EEFSEC: variants seen among roughly 807,000 people sequenced by gnomAD.
EEFSEC encodes eukaryotic elongation factor, selenocysteine-tRNA specific.
EEFSEC carries 43 observed loss-of-function variants against 42.1 expected under a neutral mutation model. That is an observed-to-expected ratio of 1.02 (90% confidence interval 0.80 to 1.32). The LOEUF is 1.32. Among genes scored for constraint, EEFSEC ranks in the 40% most tolerant of loss-of-function variants. EEFSEC has a pLI of 0.00. For missense variants in EEFSEC, 745 were observed against 803.6 expected, an observed-to-expected ratio of 0.93 and a Z score of 0.88; for synonymous variants, 354 against 339.1, an observed-to-expected ratio of 1.04 and a Z score of -0.48.
At chr3:128,281,306 T>A (rs2066523364) in intron 4 of EEFSEC, among the ~76,000 whole-genome samples, 1 of 152,250 alleles carries the variant, frequency 6.6e-6, no homozygotes, top group South Asian at 2.1e-4. Flanking sequence ...CCCAGCTTTC[T>A]GCATGCAGCT....
intron 6 of EEFSEC, among the ~76,000 whole-genome samples, chr3:128,398,623 A>C (rs1576703629): frequency 6.6e-6 from 1 of 151,912 alleles, no homozygotes; most frequent in South Asian, 2.1e-4. Context: ...TGGGGCAGGG[A>C]CCTGCCCCTG....
rs546641036 is a variant in EEFSEC, at chr3:128,343,612, A to T, written c.1443+1723A>T. Among the ~76,000 whole-genome samples, 6 of 152,336 alleles carry T rather than the reference A, an allele frequency of 3.9e-5. No homozygotes were observed. In the East Asian group the frequency reaches 9.7e-4, roughly 25 times the overall value. ...ATAATTATTCTATAGTAAAATATCT[A>T]TGAGAGAGTAATATCCCAATTGGTG... is the stretch of plus-strand genomic sequence containing the variant. On this transcript the variant is annotated intron_variant, in intron 5 of 6. Coordinates refer to ENST00000254730, the MANE Select transcript of EEFSEC (RefSeq NM_021937.5).
chr3:128,283,634 C>T (rs760694324), intron 4 of EEFSEC, among the ~76,000 whole-genome samples: 1 of 152,208 alleles, frequency 6.6e-6, no homozygotes, highest in Non-Finnish European at 1.5e-5. Flanking sequence ...GACACTCAAG[C>T]ACTGTCTCCC....
downstream of EEFSEC, among the ~76,000 whole-genome samples, chr3:128,412,728 G>A (rs770254266): frequency 1.2e-4 from 19 of 152,324 alleles, no homozygotes; most frequent in South Asian, 2.1e-4. Flanking sequence ...CTGATAACGG[G>A]GTTGAGCCAT....
chr3:128,362,946 A>G (rs773686166), intron 6 of EEFSEC, among the ~76,000 whole-genome samples: 4 of 152,236 alleles, frequency 2.6e-5, no homozygotes, highest in Non-Finnish European at 5.9e-5. Flanking sequence ...TTTGATTATT[A>G]CTAATCACAA....
chr3:128,390,773 G>A (rs559526744), intron 6 of EEFSEC, among the ~76,000 whole-genome samples: 1 of 152,104 alleles, frequency 6.6e-6, no homozygotes, highest in East Asian at 1.9e-4. Context: ...TGCACCACTC[G>A]GGCACCCACA....
chr3:128,343,101 C>T (rs1420629604), intron 5 of EEFSEC, among the ~76,000 whole-genome samples: 1 of 152,202 alleles, frequency 6.6e-6, no homozygotes, highest in Admixed American at 6.5e-5. Context: ...TCAACAAGGG[C>T]CTCAGTTCCT....
In EEFSEC at chr3:128,246,720, C is replaced by T. The variant is rs1011002572; in HGVS notation, c.317-116C>T. ...CCTGTAGCCAGAAGCTGTGTAGTCA[C>T]CATTTATTCCACTTTGCTCACTTTT... On this transcript the variant is annotated intron_variant, in intron 1 of 6. Coordinates refer to ENST00000254730, the MANE Select transcript of EEFSEC (RefSeq NM_021937.5). 4 of 1,080,324 alleles carry T rather than the reference C, an allele frequency of 3.7e-6. No individual in the cohort carries two copies. In the African/African-American group the frequency reaches 4.7e-5, roughly 13 times the overall value. The allele number at this position is 1,080,324 out of a possible 1,614,324, so 66.9% of individuals were successfully genotyped here.
intron 6 of EEFSEC, among the ~76,000 whole-genome samples, chr3:128,402,281 C>T (rs2068057068): frequency 6.6e-6 from 1 of 152,254 alleles, no homozygotes; most frequent in African/African-American, 2.4e-5. Flanking sequence ...CAGAATTCTT[C>T]CAAAAATTTT....
At chr3:128,272,580 G>C (rs1269269582) in intron 4 of EEFSEC, among the ~76,000 whole-genome samples, 1 of 152,190 alleles carries the variant, frequency 6.6e-6, no homozygotes, top group Admixed American at 6.5e-5. Context: ...TATTGTGAGA[G>C]CTCTGTCTCC....
At chr3:128,170,151 C>G (rs1028131648) in intron 1 of EEFSEC, among the ~76,000 whole-genome samples, 11 of 152,288 alleles carry the variant, frequency 7.2e-5, no homozygotes, top group African/African-American at 2.4e-4. Flanking sequence ...CCGCCTCCCC[C>G]GCCTGGCCCG....
At chr3:128,384,197 C>T (rs1365343970) in intron 6 of EEFSEC, among the ~76,000 whole-genome samples, 1 of 152,166 alleles carries the variant, frequency 6.6e-6, no homozygotes, top group Non-Finnish European at 1.5e-5. Context: ...AGAGGTGTTC[C>T]AGGCAGAAGC....
chr3:128,272,686 A>G (rs2066427159), intron 4 of EEFSEC, among the ~76,000 whole-genome samples: 1 of 152,186 alleles, frequency 6.6e-6, no homozygotes, highest in South Asian at 2.1e-4. Flanking sequence ...TGTTAGGAAC[A>G]CAATTAAGGA....
chr3:128,164,087 C>A (rs930264112), intron 1 of EEFSEC, among the ~76,000 whole-genome samples: 1 of 152,192 alleles, frequency 6.6e-6, no homozygotes, highest in African/African-American at 2.4e-5. Context: ...GTGCCTGGCC[C>A]ATGGAGACAT....
chr3:128,169,961 G>A (rs947067312), intron 1 of EEFSEC, among the ~76,000 whole-genome samples: 3 of 152,204 alleles, frequency 2.0e-5, no homozygotes, highest in Admixed American at 2.0e-4. Flanking sequence ...TGGCGGTGGG[G>A]CAGGCGGCAT....
At chr3:128,279,146 CGGCGGCGTTGGGCAGT>C (rs1189743889) in intron 4 of EEFSEC, among the ~76,000 whole-genome samples, 1 of 152,128 alleles carries the variant, frequency 6.6e-6, no homozygotes, top group Admixed American at 6.5e-5. Context: ...AACCATACGG[CGGCGGCGTTGGGCAGT>C]GGCGGCCATC....
At chr3:128,278,891 C>T (rs1576602178) in intron 4 of EEFSEC, among the ~76,000 whole-genome samples, 1 of 152,338 alleles carries the variant, frequency 6.6e-6, no homozygotes, top group African/African-American at 2.4e-5. Flanking sequence ...TGCCCACCCC[C>T]TTGCAGCCTC....
chr3:128,399,682 C>T (rs745330241), intron 6 of EEFSEC, among the ~76,000 whole-genome samples: 4 of 151,856 alleles, frequency 2.6e-5, no homozygotes, highest in East Asian at 1.9e-4. Flanking sequence ...ATTCCAGAGT[C>T]GCTGTCACTG....
At chr3:128,168,381 G>A (rs2065262454) in intron 1 of EEFSEC, among the ~76,000 whole-genome samples, 1 of 152,190 alleles carries the variant, frequency 6.6e-6, no homozygotes, top group Admixed American at 6.5e-5. Context: ...TTCCTGGAGT[G>A]CCAGGTTGCT....
Sources: gnomAD v4.1 joint callset for allele counts (sites outside exome capture counted in the v4.1 genomes callset) on GRCh38, gnomAD v4.1.1 for gene constraint, MANE v1.5 for transcripts, NCBI Gene and HGNC (gene_info 2026-07-23, HGNC 2026-07-21) for gene names.